Variants in SH2D3C observed in about 807,000 individuals in gnomAD.
SH2D3C encodes the protein SH2 domain containing 3C, also known as SH2 domain-containing protein 3C.
In SH2D3C, 25 loss-of-function variants were observed where a neutral mutation model predicts 75.2. The ratio of observed to expected loss-of-function variants is 0.33; its 90% CI spans 0.24 to 0.46. SH2D3C has a LOEUF of 0.46. Among genes scored for constraint, SH2D3C ranks in the 20% least tolerant of loss-of-function variants. The pLI is 1.00. For missense variants in SH2D3C, 933 were observed against 1,165.3 expected (o/e 0.80, Z 2.90); for synonymous variants, 450 against 473.7 (o/e 0.95, Z 0.65).
In SH2D3C at chr9:127,751,857, G is replaced by C. The variant is rs1845212502; in HGVS notation, c.556-557C>G. On this transcript the variant is annotated intron_variant, in intron 3 of 11. Transcript: ENST00000314830. This position sits in a 1 kb window ranked among gnomAD's most constrained non-coding sequence, Gnocchi z 4.1. ...AGGAAAAGCTATGAACAAAACCACA[G>C]AACTGGTTGGACAAGGATACGTTCT... Among the ~76,000 whole-genome samples, 1 of 152,202 alleles carries C rather than the reference G, an allele frequency of 6.6e-6. No homozygotes were observed. The highest frequency in any genetic ancestry group is 2.4e-5 in the African/African-American group (1 of 41,448).
chr9:127,754,126 G>A lies in SH2D3C; in HGVS notation c.556-2826C>T, dbSNP rs1845282461. Among the ~76,000 whole-genome samples the A allele has an allele frequency of 6.6e-6, 1 of 152,318 alleles. No homozygotes were observed. The highest frequency in any genetic ancestry group is 2.1e-4 in the South Asian group (1 of 4,834). ...GTTCCCTAGAGTTGGGGGTGCTGGG[G>A]TGCGAATGCAGCATCCCTGCGCTCG... On this transcript the variant is annotated intron_variant, in intron 3 of 11. Transcript: ENST00000314830. The surrounding 1 kb of genome is among the most constrained non-coding windows in gnomAD (Gnocchi z 4.4).
At chr9:127,773,212 T>C (rs1459393393) in intron 2 of SH2D3C, among the ~76,000 whole-genome samples, 1 of 152,230 alleles carries the variant, frequency 6.6e-6, no homozygotes, top group African/African-American at 2.4e-5. Context: ...TCACAATTTG[T>C]ATTTTTACAT....
intron 2 of SH2D3C, among the ~76,000 whole-genome samples, chr9:127,768,419 T>C (rs1455647383): frequency 2.0e-5 from 3 of 149,736 alleles, no homozygotes; most frequent in African/African-American, 7.4e-5. Context: ...CCCTTGGGAG[T>C]GAGGGTAGGG....
intron 2 of SH2D3C, 71 bp from the exon 3 acceptor site, chr9:127,761,721 C>T: frequency 1.5e-6 from 2 of 1,352,752 alleles, no homozygotes; most frequent in Admixed American, 1.8e-5. Flanking sequence ...TCTTGCCTGC[C>T]TGCCTGGGGC....
intron 2 of SH2D3C, chr9:127,771,307 T>C: frequency 2.0e-6 from 3 of 1,479,694 alleles, no homozygotes; most frequent in Non-Finnish European, 2.7e-6. Context: ...GCCACTGAGC[T>C]GCAGAGCTCA....
rs553282587 is a variant in SH2D3C, at chr9:127,749,465, G to A, written c.885C>T (p.Ala295=). The A allele has an allele frequency of 8.1e-6, 13 of 1,614,196 alleles. No individual in the cohort carries two copies. Among genetic ancestry groups the A allele is most frequent in the Middle Eastern group, 1.6e-4 (1 of 6,062 alleles). ...FEQESFDHVP[A]LVRYHVGSRK... ...GGCTGCCCACATGATAGCGCACGAGGGCGGGCACGTGGTCAAAGCTCTCCT... is the reference window on the plus strand; with the variant it reads ...GGCTGCCCACATGATAGCGCACGAGAGCGGGCACGTGGTCAAAGCTCTCCT... The change falls in exon 5 of 12, where the codon GCC becomes GCT. Residue 295 remains alanine (A), a synonymous_variant. Coordinates refer to ENST00000314830, the MANE Select transcript of SH2D3C (RefSeq NM_170600.3). This position sits in a 1 kb window ranked among gnomAD's most constrained non-coding sequence, Gnocchi z 5.9.
chr9:127,750,135 ACTT>A (rs1230011265), intron 4 of SH2D3C, among the ~76,000 whole-genome samples: 1 of 150,650 alleles, frequency 6.6e-6, no homozygotes, highest in Non-Finnish European at 1.5e-5. Flanking sequence ...CATCTGATGA[ACTT>A]CTTTATTATT....
At chr9:127,743,087 C>A in intron 7 of SH2D3C, 123 bp from the exon 8 acceptor site, 1 of 612,740 alleles carries the variant, frequency 1.6e-6, no homozygotes. Context: ...TGAATTCCAG[C>A]TCCACCGCTA....
chr9:127,767,998 C>T (rs892046947), intron 2 of SH2D3C, among the ~76,000 whole-genome samples: 1 of 152,178 alleles, frequency 6.6e-6, no homozygotes, highest in Non-Finnish European at 1.5e-5. Flanking sequence ...GGGGAACAGC[C>T]CATCCTTCCC....
chr9:127,773,961 C>G (rs1174229476), intron 2 of SH2D3C, 29 bp downstream of exon 2: 1 of 1,320,190 alleles, frequency 7.6e-7, no homozygotes, highest in East Asian at 2.3e-5. Flanking sequence ...GCCATCCCTG[C>G]AGGTCCCAAC....
chr9:127,759,670 G>A (rs530079118), intron 3 of SH2D3C, among the ~76,000 whole-genome samples: 1 of 152,064 alleles, frequency 6.6e-6, no homozygotes, highest in Non-Finnish European at 1.5e-5. Context: ...GCAACACAGT[G>A]AGACCCCACC....
chr9:127,741,119 T>G (rs1324611173), intron 9 of SH2D3C, among the ~76,000 whole-genome samples: 1 of 152,228 alleles, frequency 6.6e-6, no homozygotes, highest in Non-Finnish European at 1.5e-5. Context: ...ATTTGTAAAA[T>G]GTGGATGCTA....
intron 2 of SH2D3C, chr9:127,767,115 C>T (rs377560646): frequency 1.8e-5 from 28 of 1,536,046 alleles, no homozygotes; most frequent in South Asian, 7.1e-5. Context: ...CCCTCTCCAC[C>T]GTCTGGAGCC....
At chr9:127,772,239 C>CTTTT (rs68153880) in intron 2 of SH2D3C, among the ~76,000 whole-genome samples, 5 of 120,482 alleles carry the variant, frequency 4.1e-5, no homozygotes, top group Non-Finnish European at 6.8e-5. Context: ...GCTCAGGTGG[C>CTTTT]TTTTTTTTTT....
Position 127,738,434 on chromosome 9 carries a change from A to C in SH2D3C, c.*312T>G. The stretch of plus-strand genomic sequence containing the variant: ...GCCTTGGTGTTGGTGAGGGACAGAC[A>C]GAGAGTGAGGAGGCGTGAGCAGCCT... On this transcript the variant is annotated 3_prime_UTR_variant, in exon 12 of 12. Transcript: ENST00000314830. The surrounding 1 kb of genome is among the most constrained non-coding windows in gnomAD (Gnocchi z 5.0). 4.0e-6 allele frequency: 1 copy of C among 252,268 alleles called. No individual in the cohort carries two copies. 15.6% of individuals were successfully genotyped at this position (252,268 alleles called of 1,614,324 possible). A position where few individuals can be genotyped will look rare whatever the true frequency, so the allele number is the denominator to read the frequency against.
chr9:127,761,514 C>T, intron 3 of SH2D3C, 97 bp downstream of exon 3: 1 of 835,686 alleles, frequency 1.2e-6, no homozygotes, highest in Non-Finnish European at 2.0e-6. Context: ...AGGTCTGGCT[C>T]CTAACAAGGC....
intron 1 of SH2D3C, among the ~76,000 whole-genome samples, chr9:127,775,819 T>C: frequency 6.6e-6 from 1 of 151,706 alleles, no homozygotes; most frequent in Middle Eastern, 3.2e-3. Flanking sequence ...CTAATAGCAA[T>C]AATTATTTAT....
At position 127,749,585 on chromosome 9, in the gene SH2D3C, C is replaced by T. The variant is rs544738792; in HGVS notation, c.765G>A (p.Thr255=). The T allele has an allele frequency of 5.1e-5, 82 of 1,607,758 alleles. 1 individual carries two copies. The South Asian group carries it at 5.9e-4, about 12-fold the overall frequency. Reference sequence around the variant, plus strand: ...GCAAGGCCTGGTTGCGCCAGCGGCACGTGAGCACATAGTCGCCCAGGCTGG... The same window carrying T: ...GCAAGGCCTGGTTGCGCCAGCGGCATGTGAGCACATAGTCGCCCAGGCTGG... ...SLTSLGDYVL[T]CRWRNQALHF... The change falls in exon 5 of 12, where the codon ACG becomes ACA. Residue 255 remains threonine (T), a synonymous_variant. Transcript: ENST00000314830. The surrounding 1 kb of genome is among the most constrained non-coding windows in gnomAD (Gnocchi z 5.9).
intron 2 of SH2D3C, among the ~76,000 whole-genome samples, chr9:127,764,908 C>T (rs1007464583): frequency 2.0e-5 from 3 of 152,052 alleles, no homozygotes; most frequent in Non-Finnish European, 4.4e-5. Flanking sequence ...GGGGTTTCGC[C>T]ATGTTGGCCA....
Sources: allele counts gnomAD v4.1 joint callset (sites outside exome capture counted in the v4.1 genomes callset), GRCh38; gene constraint gnomAD v4.1.1; non-coding constraint Gnocchi (gnomAD v3.1); transcripts MANE v1.5; gene names NCBI Gene and HGNC (gene_info 2026-07-23, HGNC 2026-07-21).